The following GLRB variants were observed in gnomAD, a reference collection of about 807,000 sequenced individuals.
The protein encoded by GLRB is glycine receptor beta.
In GLRB, 33 loss-of-function variants were observed where a neutral mutation model predicts 54.2. The observed-to-expected ratio is 0.61, with a 90% CI of 0.46 to 0.81. The LOEUF is 0.81. GLRB is among the 40% of genes least tolerant of loss of function. The pLI is 0.00. For synonymous variants in GLRB, 209 were observed against 208.2 expected (o/e 1.00, Z -0.03); for missense variants, 572 against 584.6 (o/e 0.98, Z 0.22).
chr4:157,119,595 G>T (rs982781266), intron 2 of GLRB, among the ~76,000 whole-genome samples: 1 of 151,480 alleles, frequency 6.6e-6, no homozygotes, highest in East Asian at 1.9e-4. Flanking sequence ...AAAGTTAATT[G>T]TTAAAATATA....
chr4:157,125,743 G>A (rs1165642556), intron 4 of GLRB, among the ~76,000 whole-genome samples: 1 of 151,668 alleles, frequency 6.6e-6, no homozygotes, highest in Non-Finnish European at 1.5e-5. Flanking sequence ...AGACCAGCCT[G>A]GCCGACACTG....
chr4:157,162,102 C>G (rs1737519667), intron 9 of GLRB, among the ~76,000 whole-genome samples: 1 of 152,204 alleles, frequency 6.6e-6, no homozygotes, highest in South Asian at 2.1e-4. Flanking sequence ...CACTGATACC[C>G]TTTCTTCCAG....
chr4:157,086,184 A>G (rs1299776916), intron 2 of GLRB, among the ~76,000 whole-genome samples: 1 of 152,144 alleles, frequency 6.6e-6, no homozygotes, highest in Non-Finnish European at 1.5e-5. Flanking sequence ...TTCCCTTGCT[A>G]TTATGTATGC....
chr4:157,128,319 A>G (rs759773650), intron 4 of GLRB, among the ~76,000 whole-genome samples: 1 of 151,784 alleles, frequency 6.6e-6, no homozygotes, highest in Non-Finnish European at 1.5e-5. Context: ...TTCAAGTTAC[A>G]TTATTTGGAA....
rs1192898503 is a variant in GLRB at position 157,170,436 on chromosome 4, G to C, written c.1202G>C (p.Gly401Ala). 6.4e-7 allele frequency: 1 copy of C among 1,573,454 alleles called. No homozygotes were observed. Among genetic ancestry groups the C allele is most frequent in the Non-Finnish European group, 8.7e-7 (1 of 1,143,408 alleles). The change falls in exon 10 of 10, where the codon GGT (glycine) becomes GCT (alanine). Residue 401 changes from glycine (G) to alanine (A), a missense_variant. Coordinates refer to ENST00000264428, the MANE Select transcript of GLRB (RefSeq NM_000824.5). The part of the protein sequence containing the change: ...TPVHISTLQV[G>A]ETRCKKVCTS... ...GTCTTCAATATTTATTCTTAGGTTG[G>C]TGAGACCAGATGCAAAAAAGTTTGT...
intron 4 of GLRB, among the ~76,000 whole-genome samples, chr4:157,126,493 G>A (rs1370966267): frequency 1.3e-5 from 2 of 151,564 alleles, no homozygotes; most frequent in Admixed American, 6.6e-5. Context: ...ACTATAAGTG[G>A]TATTTACCAA....
At chr4:157,105,321 C>T (rs1289694713) in intron 2 of GLRB, among the ~76,000 whole-genome samples, 5 of 151,910 alleles carry the variant, frequency 3.3e-5, no homozygotes, top group East Asian at 1.9e-4. Context: ...CAACATGTGT[C>T]AACTTTTCAG....
intron 9 of GLRB, among the ~76,000 whole-genome samples, chr4:157,158,182 T>TGTTTG (rs1737313370): frequency 1.3e-5 from 2 of 151,300 alleles, no homozygotes; most frequent in Non-Finnish European, 3.0e-5. Flanking sequence ...TTTGATGGGT[T>TGTTTG]TTTTTTTCTT....
chr4:157,136,704 C>A lies in GLRB; in HGVS notation c.527+6C>A, dbSNP rs368768399. ...GATGTCCTTGTCAGCATGAGGTACTCTTTTATATTTCATATTTGTGCATTT... is the reference window on the plus strand; with the variant it reads ...GATGTCCTTGTCAGCATGAGGTACTATTTTATATTTCATATTTGTGCATTT... On this transcript the variant is annotated splice_donor_region_variant and intron_variant, in intron 5 of 9. Transcript: ENST00000264428. 2.6e-6 allele frequency: 4 copies of A among 1,551,324 alleles called. No homozygotes were observed. The African/African-American group carries it at 4.1e-5, about 16-fold the overall frequency.
intron 2 of GLRB, among the ~76,000 whole-genome samples, chr4:157,095,487 A>T (rs1034958962): frequency 2.6e-5 from 4 of 152,112 alleles, no homozygotes; most frequent in African/African-American, 9.7e-5. Context: ...ATTCCAGGGA[A>T]TAGTCTAGGC....
intron 7 of GLRB, among the ~76,000 whole-genome samples, chr4:157,143,601 C>T (rs536254630): frequency 3.9e-5 from 6 of 152,210 alleles, no homozygotes; most frequent in East Asian, 1.9e-4. Context: ...AATGAAGTTG[C>T]GAAAGGTCAG....
intron 2 of GLRB, among the ~76,000 whole-genome samples, chr4:157,092,095 C>G (rs796185482): frequency 6.6e-6 from 1 of 152,130 alleles, no homozygotes; most frequent in African/African-American, 2.4e-5. Flanking sequence ...ATAGTGCATC[C>G]TCAGATAATT....
At chr4:157,141,401 A>G (rs972431075) in intron 7 of GLRB, among the ~76,000 whole-genome samples, 1 of 152,012 alleles carries the variant, frequency 6.6e-6, no homozygotes, top group Non-Finnish European at 1.5e-5. Context: ...CAGCATAGAA[A>G]AATGGGAAAG....
At chr4:157,111,960 G>T (rs541339391) in intron 2 of GLRB, among the ~76,000 whole-genome samples, 6 of 151,932 alleles carry the variant, frequency 3.9e-5, no homozygotes, top group South Asian at 2.1e-4. Flanking sequence ...TTCTGTTGGT[G>T]CCACACACTG....
chr4:157,122,007 G>A lies in GLRB; in HGVS notation c.230-323G>A, dbSNP rs114542792. ...TAAGAATAATTTGTAGTTCCTTAAA[G>A]TAAATGTATTAGGGCAATTTAAAAA... is the stretch of plus-strand genomic sequence containing the variant. On this transcript the variant is annotated intron_variant, in intron 3 of 9. Transcript: ENST00000264428. 4.8e-3 allele frequency among the ~76,000 whole-genome samples: 725 copies of A among 150,222 alleles called. 7 individuals carry two copies. The highest frequency in any genetic ancestry group is 0.017 in the African/African-American group (682 of 41,018).
chr4:157,160,171 G>T (rs529493722), intron 9 of GLRB, among the ~76,000 whole-genome samples: 2 of 152,130 alleles, frequency 1.3e-5, no homozygotes, highest in African/African-American at 4.8e-5. Flanking sequence ...TGCGGGATCG[G>T]TGGTGATATA....
In GLRB at chr4:157,170,934, T is replaced by C. The variant is rs767568680; in HGVS notation, c.*206T>C. On this transcript the variant is annotated 3_prime_UTR_variant, in exon 10 of 10. Coordinates refer to ENST00000264428, the MANE Select transcript of GLRB (RefSeq NM_000824.5). ...GCTCTAATAACGATGTATATATGTA[T>C]AGTGAACATATTGCTTAGTAACAAA... 4 of 459,566 alleles carry C rather than the reference T, an allele frequency of 8.7e-6. No individual in the cohort carries two copies. The highest frequency in any genetic ancestry group is 1.5e-5 in the Non-Finnish European group (4 of 259,900). The allele number at this position is 459,566 out of a possible 1,614,324, so 28.5% of individuals were successfully genotyped here. A position where few individuals can be genotyped will look rare whatever the true frequency, so the allele number is the denominator to read the frequency against.
At chr4:157,151,897 G>A (rs1291472426) in intron 8 of GLRB, among the ~76,000 whole-genome samples, 1 of 152,116 alleles carries the variant, frequency 6.6e-6, no homozygotes, top group Non-Finnish European at 1.5e-5. Context: ...GACACTGAAT[G>A]AGGTTCCTTT....
intron 2 of GLRB, among the ~76,000 whole-genome samples, chr4:157,093,869 C>T (rs1207339869): frequency 2.6e-5 from 4 of 151,560 alleles, no homozygotes; most frequent in South Asian, 2.1e-4. Flanking sequence ...TTTAAACCAC[C>T]GTGAAAAATT....
Sources: allele counts gnomAD v4.1 joint callset (sites outside exome capture counted in the v4.1 genomes callset), GRCh38; gene constraint gnomAD v4.1.1; transcripts MANE v1.5; gene names NCBI Gene and HGNC (gene_info 2026-07-23, HGNC 2026-07-21).